ATXN7L1: variants seen among roughly 807,000 people sequenced by gnomAD.
ATXN7L1 encodes the protein ataxin 7 like 1.
Under a neutral mutation model 70.8 loss-of-function variants are expected in ATXN7L1, and 15 were observed. That is an observed-to-expected ratio of 0.21 (90% CI 0.14 to 0.33). The LOEUF (loss-of-function observed/expected upper bound fraction) is 0.33. Among genes scored for constraint, ATXN7L1 ranks in the 10% least tolerant of loss-of-function variants. The pLI is 1.00. For missense variants in ATXN7L1, 975 were observed against 1,097.1 expected (o/e 0.89, Z 1.57); for synonymous variants, 440 against 445.1 (o/e 0.99, Z 0.14).
chr7:105,801,331 T>C (rs1365163411), intron 2 of ATXN7L1, among the ~76,000 whole-genome samples: 1 of 152,236 alleles, frequency 6.6e-6, no homozygotes, highest in Non-Finnish European at 1.5e-5. Flanking sequence ...TCTCAAAGTA[T>C]GAATACGACC....
chr7:105,619,139 A>ATTTTTTTTTTTTTTTTT (rs1794365463), intron 9 of ATXN7L1, among the ~76,000 whole-genome samples: 3 of 23,586 alleles, frequency 1.3e-4, no homozygotes, highest in South Asian at 1.6e-3. Flanking sequence ...TGAAATCTTT[A>ATTTTTTTTTTTTTTTTT]GTTTTTTTTT....
At chr7:105,716,482 A>C (rs532358766) in intron 3 of ATXN7L1, among the ~76,000 whole-genome samples, 6 of 152,258 alleles carry the variant, frequency 3.9e-5, no homozygotes, top group South Asian at 2.1e-4. Flanking sequence ...CAAACCAAAC[A>C]AAAGTGAGTT....
At chr7:105,788,091 T>G (rs920960634) in intron 3 of ATXN7L1, 1 of 153,418 alleles carries the variant, frequency 6.5e-6, no homozygotes, top group Non-Finnish European at 1.5e-5. Context: ...CACCTGGGAT[T>G]TTTTTTAACA....
At chr7:105,824,224 G>T (rs182309261) in intron 2 of ATXN7L1, among the ~76,000 whole-genome samples, 60 of 152,272 alleles carry the variant, frequency 3.9e-4, no homozygotes, top group African/African-American at 1.4e-3. Context: ...TGATGAGTTC[G>T]CAATGTAATC....
intron 3 of ATXN7L1, among the ~76,000 whole-genome samples, chr7:105,741,043 C>T (rs866086446): frequency 2.6e-5 from 4 of 152,110 alleles, no homozygotes; most frequent in African/African-American, 7.2e-5. Context: ...GGATTACACG[C>T]GTGAGCCACC....
intron 3 of ATXN7L1, among the ~76,000 whole-genome samples, chr7:105,712,943 C>G (rs665092): frequency 0.17 from 25,270 of 152,228 alleles, 2,146 homozygotes; most frequent in East Asian, 0.22. Context: ...CTATAAAGCA[C>G]TACCTGAGAC....
chr7:105,747,667 G>C (rs544458472), intron 3 of ATXN7L1, among the ~76,000 whole-genome samples: 187 of 152,306 alleles, frequency 1.2e-3, no homozygotes, highest in Non-Finnish European at 9.7e-4. Flanking sequence ...GGGACAGTGG[G>C]GGGACTGAGT....
chr7:105,842,632 C>T (rs212413), intron 2 of ATXN7L1, among the ~76,000 whole-genome samples: 57,147 of 151,970 alleles, frequency 0.38, 11,243 homozygotes, highest in Non-Finnish European at 0.42. Flanking sequence ...TTGGGTATTT[C>T]TACCTTTGGG....
chr7:105,750,511 C>A (rs1382323041), intron 3 of ATXN7L1, among the ~76,000 whole-genome samples: 2 of 151,964 alleles, frequency 1.3e-5, no homozygotes, highest in East Asian at 3.9e-4. Context: ...CCTCCTTGGC[C>A]TCTCAAAGTG....
At chr7:105,678,155 T>G in intron 3 of ATXN7L1, 3 of 350,302 alleles carry the variant, frequency 8.6e-6, no homozygotes, top group Non-Finnish European at 1.2e-5. Flanking sequence ...GCAAAAGGTC[T>G]GAGTTATTTT....
At chr7:105,685,412 G>C (rs555928220) in intron 3 of ATXN7L1, among the ~76,000 whole-genome samples, 52 of 152,322 alleles carry the variant, frequency 3.4e-4, no homozygotes, top group Non-Finnish European at 6.0e-4. Context: ...AAGCCAAGGA[G>C]GAACCTATAG....
intron 2 of ATXN7L1, chr7:105,819,445 TAAAAAA>T: frequency 5.4e-6 from 3 of 556,132 alleles, no homozygotes; most frequent in Non-Finnish European, 3.2e-6. Flanking sequence ...ATTTGGGATT[TAAAAAA>T]AAAAAAAAAA....
chr7:105,789,696 C>T (rs1306035452), intron 2 of ATXN7L1, among the ~76,000 whole-genome samples: 1 of 152,030 alleles, frequency 6.6e-6, no homozygotes, highest in Non-Finnish European at 1.5e-5. Flanking sequence ...GCTGGCCAGG[C>T]CCAGAAGCCA....
At chr7:105,692,415 T>TTCCCTCCCTCCCTCCC (rs1379205062) in intron 3 of ATXN7L1, among the ~76,000 whole-genome samples, 23 of 134,838 alleles carry the variant, frequency 1.7e-4, no homozygotes, top group East Asian at 9.1e-4. Context: ...CCTTCCTTCC[T>TTCCCTCCCTCCCTCCC]TCCTTCCTTC....
intron 3 of ATXN7L1, chr7:105,677,823 A>G: frequency 1.8e-6 from 1 of 570,746 alleles, no homozygotes; most frequent in Non-Finnish European, 2.2e-6. Flanking sequence ...AGAGGCCACC[A>G]CTGCTTTATT....
chr7:105,795,244 T>C (rs1238815151), intron 2 of ATXN7L1, among the ~76,000 whole-genome samples: 2 of 152,230 alleles, frequency 1.3e-5, no homozygotes, highest in Non-Finnish European at 2.9e-5. Context: ...AAAGTGCTTC[T>C]GAAGTCAACA....
At chr7:105,796,504 A>G (rs1806015981) in intron 2 of ATXN7L1, among the ~76,000 whole-genome samples, 1 of 152,202 alleles carries the variant, frequency 6.6e-6, no homozygotes, top group African/African-American at 2.4e-5. Context: ...TTGGAAAACT[A>G]TCAAAAAGCT....
At chr7:105,611,693 T>C (rs556879159) in intron 10 of ATXN7L1, among the ~76,000 whole-genome samples, 126 of 152,340 alleles carry the variant, frequency 8.3e-4, no homozygotes, top group African/African-American at 2.7e-3. Flanking sequence ...CTTGATTTTT[T>C]ATTCAGTTTA....
At chr7:105,776,504 AAAAC>A (rs573388135) in intron 3 of ATXN7L1, among the ~76,000 whole-genome samples, 228 of 146,574 alleles carry the variant, frequency 1.6e-3, no homozygotes, top group Non-Finnish European at 2.4e-3. Context: ...CCCCCCCCCC[AAAAC>A]AAACAAACAA....
Sources: allele counts gnomAD v4.1 joint callset (sites outside exome capture counted in the v4.1 genomes callset), GRCh38; gene constraint gnomAD v4.1.1; transcripts MANE v1.5; gene names NCBI Gene and HGNC (gene_info 2026-07-23, HGNC 2026-07-21).